Variants in OR51B5 observed in about 807,000 individuals in gnomAD.
The protein encoded by OR51B5 is olfactory receptor 51B5.
For missense variants in OR51B5, 456 were observed against 374.6 expected (o/e 1.22, Z -1.79); for synonymous variants, 186 against 144.8 (o/e 1.28, Z -2.04).
At chr11:5,502,670 C>T (rs1846313558) in intron 1 of OR51B5, among the ~76,000 whole-genome samples, 1 of 152,212 alleles carries the variant, frequency 6.6e-6, no homozygotes, top group African/African-American at 2.4e-5. Context: ...CCTTCACATG[C>T]TACCTAATCT....
At position 5,474,877 on chromosome 11, in the gene OR51B5, G is replaced by A. The variant is rs140214578; in HGVS notation, n.84+30692C>T. 4.5e-4 allele frequency among the ~76,000 whole-genome samples: 69 copies of A among 152,306 alleles called. No individual in the cohort carries two copies. The East Asian group carries it at 0.013, about 29-fold the overall frequency. ...ATTACATGCATTAATTTGCTTTAGA[G>A]AGTAAGTTTGGGGTGGTAGGAATAG... On this transcript the variant is annotated intron_variant and non_coding_transcript_variant, in intron 1 of 4. Transcript: ENST00000415970.
At chr11:5,453,750 A>C (rs376306443) in intron 1 of OR51B5, 2 of 1,614,036 alleles carry the variant, frequency 1.2e-6, no homozygotes, top group African/African-American at 1.3e-5. Context: ...CTTCTGCCTC[A>C]ATGCCCGCAA....
At chr11:5,436,634 C>G (rs1850599996) in intron 1 of OR51B5, among the ~76,000 whole-genome samples, 1 of 152,116 alleles carries the variant, frequency 6.6e-6, no homozygotes, top group South Asian at 2.1e-4. Flanking sequence ...ATTGTTCTTT[C>G]TATAGAAAAC....
upstream of OR51B5, among the ~76,000 whole-genome samples, chr11:5,346,584 G>T (rs1224031805): frequency 6.6e-6 from 1 of 152,086 alleles, no homozygotes; most frequent in East Asian, 1.9e-4. Context: ...AAGGAAAGAA[G>T]ACATATGAGA....
intron 1 of OR51B5, among the ~76,000 whole-genome samples, chr11:5,358,943 AC>A (rs1165580501): frequency 4.0e-5 from 6 of 151,266 alleles, no homozygotes; most frequent in Admixed American, 1.3e-4. Context: ...AAATTCAACA[AC>A]CCTTCATGCT....
exon 1 of OR51B5, chr11:5,342,735 T>TTCCAAAACGATGAATCAGAGACAA: frequency 6.2e-7 from 1 of 1,613,844 alleles, no homozygotes. Context: ...GGAACCTGCT[T>TTCCAAAACGATGAATCAGAGACAA]TCCAAAACGA....
At chr11:5,457,531 G>A (rs1190740368) in intron 1 of OR51B5, among the ~76,000 whole-genome samples, 2 of 152,142 alleles carry the variant, frequency 1.3e-5, no homozygotes. Flanking sequence ...TAAGTTATGT[G>A]AGAAATATCC....
intron 1 of OR51B5, among the ~76,000 whole-genome samples, chr11:5,379,615 T>C (rs11604159): frequency 0.11 from 16,795 of 152,198 alleles, 1,053 homozygotes; most frequent in South Asian, 0.15. Context: ...TTTATGCCAT[T>C]TGTAAGATAT....
At chr11:5,347,218 A>G (rs4304811), upstream of OR51B5, among the ~76,000 whole-genome samples, 50,101 of 151,998 alleles carry the variant, frequency 0.33, 8,591 homozygotes, top group Non-Finnish European at 0.38. Context: ...TTACTTCAAC[A>G]GTCAAATCTT....
intron 1 of OR51B5, among the ~76,000 whole-genome samples, chr11:5,353,125 T>G (rs4494328): frequency 0.18 from 27,585 of 151,862 alleles, 2,768 homozygotes; most frequent in East Asian, 0.38. Flanking sequence ...CTTTCTTCAA[T>G]GAGAGTAAGC....
intron 1 of OR51B5, chr11:5,468,776 A>G: frequency 2.2e-6 from 1 of 456,046 alleles, no homozygotes; most frequent in South Asian, 1.6e-5. Flanking sequence ...GAGGAGGATG[A>G]GCAGTGAATC....
intron 1 of OR51B5, among the ~76,000 whole-genome samples, chr11:5,419,596 G>A (rs1850299574): frequency 6.6e-6 from 1 of 152,158 alleles, no homozygotes; most frequent in Non-Finnish European, 1.5e-5. Context: ...AAAGGAGTAT[G>A]TGCATAGGCT....
intron 1 of OR51B5, among the ~76,000 whole-genome samples, chr11:5,413,530 T>A (rs4910558): frequency 3.3e-5 from 5 of 151,498 alleles, no homozygotes; most frequent in Non-Finnish European, 7.4e-5. Flanking sequence ...AGTTAAAAAC[T>A]TTGAAAAAAA....
intron 1 of OR51B5, among the ~76,000 whole-genome samples, chr11:5,376,527 G>C (rs1427272314): frequency 6.6e-6 from 1 of 152,092 alleles, no homozygotes. Context: ...TCTGGGAGCT[G>C]GTTTTTTGAA....
At chr11:5,348,711 C>T (rs1196328396) in intron 1 of OR51B5, among the ~76,000 whole-genome samples, 4 of 152,198 alleles carry the variant, frequency 2.6e-5, no homozygotes, top group East Asian at 1.9e-4. Flanking sequence ...AGATAGTACC[C>T]ACCCAGACGG....
chr11:5,368,920 G>A (rs17356445), intron 1 of OR51B5, among the ~76,000 whole-genome samples: 58,103 of 151,900 alleles, frequency 0.38, 11,348 homozygotes, highest in Non-Finnish European at 0.41. Context: ...CTCTGTTCAG[G>A]AACTTTTTCT....
At chr11:5,444,447 G>A (rs189783753) in intron 1 of OR51B5, among the ~76,000 whole-genome samples, 1 of 152,178 alleles carries the variant, frequency 6.6e-6, no homozygotes, top group African/African-American at 2.4e-5. Flanking sequence ...CTGGCATCAG[G>A]TGTCTGTGAT....
At chr11:5,400,367 GTTT>G (rs1249306799) in intron 1 of OR51B5, among the ~76,000 whole-genome samples, 4 of 151,934 alleles carry the variant, frequency 2.6e-5, no homozygotes, top group African/African-American at 9.7e-5. Flanking sequence ...TACATCTACA[GTTT>G]TTATTTTCTC....
intron 1 of OR51B5, among the ~76,000 whole-genome samples, chr11:5,350,513 A>G (rs552270374): frequency 6.6e-6 from 1 of 152,280 alleles, no homozygotes; most frequent in Non-Finnish European, 1.5e-5. Flanking sequence ...GGCTGCCTGC[A>G]CCAGCTGAAA....
Sources: gnomAD v4.1 joint callset for allele counts (sites outside exome capture counted in the v4.1 genomes callset) on GRCh38, gnomAD v4.1.1 for gene constraint, MANE v1.5 for transcripts, NCBI Gene and HGNC (gene_info 2026-07-23, HGNC 2026-07-21) for gene names.